The following PC variants were observed in gnomAD, a reference collection of about 807,000 sequenced individuals.
The protein encoded by PC is pyruvate carboxylase.
PC carries 46 observed loss-of-function variants against 107.8 expected under a neutral mutation model. The observed-to-expected ratio is 0.43, with a 90% CI of 0.34 to 0.55. The LOEUF (loss-of-function observed/expected upper bound fraction) is 0.55, where lower values mean the gene tolerates loss of function less well. PC is among the 20% of genes least tolerant of loss of function. PC has a pLI of 0.04. For synonymous variants in PC, 662 were observed against 684.7 expected (o/e 0.97, Z 0.52); for missense variants, 1,241 against 1,643.1 (o/e 0.76, Z 4.23).
intron 20 of PC, 22 bp from the exon 21 acceptor site, chr11:66,849,881 C>G (rs188719559): frequency 1.2e-6 from 2 of 1,613,536 alleles, no homozygotes; most frequent in African/African-American, 2.7e-5. Flanking sequence ...AGCAGAGGAT[C>G]AGTCCCAAGT....
chr11:66,956,907 C>G (rs1949572702), intron 1 of PC, among the ~76,000 whole-genome samples: 1 of 152,250 alleles, frequency 6.6e-6, no homozygotes. Flanking sequence ...TTTATTTTCT[C>G]TCTCCCCCAA....
rs1363449965 is a variant in PC, at chr11:66,944,358, C to A, written c.-1+8072G>T. The stretch of plus-strand genomic sequence containing the variant: ...CTTTGGGAGGCCAAGGCAGGCGGAT[C>A]ACTTGAGGTCAGGAGTTCGAGACCA... On this transcript the variant is annotated intron_variant, in intron 3 of 22. Coordinates refer to ENST00000393960, the MANE Select transcript of PC (RefSeq NM_001040716.2). Among the ~76,000 whole-genome samples, 2 of 115,172 alleles carry A rather than the reference C, an allele frequency of 1.7e-5. 1 individual carries two copies. Among genetic ancestry groups the A allele is most frequent in the Non-Finnish European group, 3.8e-5 (2 of 52,088 alleles). The allele number at this position is 115,172 out of a possible 152,430, so 75.6% of individuals were successfully genotyped here.
At chr11:66,912,688 T>C (rs985561281) in intron 3 of PC, among the ~76,000 whole-genome samples, 1 of 152,152 alleles carries the variant, frequency 6.6e-6, no homozygotes, top group African/African-American at 2.4e-5. Context: ...ATTCACAGGA[T>C]CCTTTTCCTG....
At chr11:66,895,248 C>G (rs1197383179) in intron 3 of PC, among the ~76,000 whole-genome samples, 3 of 152,126 alleles carry the variant, frequency 2.0e-5, no homozygotes, top group Non-Finnish European at 4.4e-5. Flanking sequence ...CCTTCCCCAA[C>G]TGAGCTCCCA....
rs150234297 is a variant in PC at position 66,929,568 on chromosome 11, T to A, written c.-1+22862A>T. ...TTTTAGTAGAGACAAGGTTTCACCA[T>A]GTTGACCAGGGTGGTCTCGAACTCC... On this transcript the variant is annotated intron_variant, in intron 3 of 22. Transcript: ENST00000393960. Among the ~76,000 whole-genome samples the A allele has an allele frequency of 1.5e-3, 234 of 152,290 alleles. 1 individual carries two copies. The highest frequency in any genetic ancestry group is 5.4e-3 in the African/African-American group (226 of 41,554).
rs1399791050 is a variant in PC at position 66,857,211 on chromosome 11, C to A, written c.1369-3828G>T. 1.3e-5 allele frequency: 2 copies of A among 149,518 alleles called. No individual in the cohort carries two copies. The highest frequency in any genetic ancestry group is 3.0e-5 in the Non-Finnish European group (2 of 67,094). The allele number at this position is 149,518 out of a possible 1,614,324, so 9.3% of individuals were successfully genotyped here. A position where few individuals can be genotyped will look rare whatever the true frequency, so the allele number is the denominator to read the frequency against. On this transcript the variant is annotated intron_variant, in intron 12 of 22. Coordinates refer to ENST00000393960, the MANE Select transcript of PC (RefSeq NM_001040716.2). The surrounding 1 kb of genome is among the most constrained non-coding windows in gnomAD (Gnocchi z 7.1). ...GCGGCCGGTCATCCCCGGGCCTCGT[C>A]CCCGCGGGAGAGCGGCCAGGAGTCG...
At position 66,849,632 on chromosome 11, in the gene PC, G is replaced by A; in HGVS notation, c.3126C>T (p.Pro1042=). 1 of 1,614,194 alleles carries A rather than the reference G, an allele frequency of 6.2e-7. No homozygotes were observed. Among genetic ancestry groups the A allele is most frequent in the Non-Finnish European group, 8.5e-7 (1 of 1,180,032 alleles). ...SLNTRLFLQG[P]KIAEEFEVEL... ...TGACCTCAAACTCCTCTGCGATCTT[G>A]GGTCCCTGCAGGAAGAGGCGAGTAT... is the stretch of plus-strand genomic sequence containing the variant. The change falls in exon 21 of 23, where the codon CCC becomes CCT. Residue 1042 remains proline (P), a synonymous_variant. Transcript: ENST00000393960.
chr11:66,913,000 G>C (rs1231176927), intron 3 of PC, among the ~76,000 whole-genome samples: 2 of 152,122 alleles, frequency 1.3e-5, no homozygotes, highest in Non-Finnish European at 2.9e-5. Context: ...CAACCCACAC[G>C]AGACCCCAAG....
intron 3 of PC, among the ~76,000 whole-genome samples, chr11:66,873,353 T>C (rs1369553290): frequency 1.7e-5 from 2 of 114,310 alleles, no homozygotes; most frequent in Admixed American, 2.8e-4. Context: ...AATATATATA[T>C]ATTATATATA....
intron 3 of PC, among the ~76,000 whole-genome samples, chr11:66,911,449 A>C (rs1048774812): frequency 6.6e-5 from 10 of 151,352 alleles, no homozygotes; most frequent in Non-Finnish European, 1.5e-4. Flanking sequence ...ACCATAACCC[A>C]GGTGCAATGG....
At chr11:66,941,375 T>A (rs190079884) in intron 3 of PC, among the ~76,000 whole-genome samples, 6 of 152,192 alleles carry the variant, frequency 3.9e-5, no homozygotes, top group African/African-American at 1.4e-4. Flanking sequence ...CTCAAAGAGA[T>A]ATTTGTACAC....
At chr11:66,851,737 G>A (rs1442129794) in intron 16 of PC, 53 bp downstream of exon 16, 8 of 1,590,010 alleles carry the variant, frequency 5.0e-6, no homozygotes, top group Admixed American at 1.7e-5. Context: ...GACATGGCTC[G>A]GTACCCTCTG....
At chr11:66,860,476 G>A (rs1033347575) in intron 12 of PC, 2 of 703,188 alleles carry the variant, frequency 2.8e-6, no homozygotes, top group Non-Finnish European at 5.2e-6. Context: ...GGACACCTCA[G>A]TGCTAGTCTC....
chr11:66,855,955 G>C (rs1241453996), intron 12 of PC, among the ~76,000 whole-genome samples: 1 of 152,266 alleles, frequency 6.6e-6, no homozygotes, highest in Non-Finnish European at 1.5e-5. Flanking sequence ...ATGGGGATCA[G>C]GGCTGGAGGG....
intron 3 of PC, among the ~76,000 whole-genome samples, chr11:66,908,764 G>GT (rs1007293574): frequency 5.3e-5 from 8 of 152,314 alleles, no homozygotes; most frequent in Middle Eastern, 3.4e-3. Context: ...CTACGGGAAC[G>GT]TAAGTGCGCC....
rs1241992839 is a variant in PC, at chr11:66,857,063, CG to C, written c.1369-3681del. On this transcript the variant is annotated intron_variant, in intron 12 of 22. Transcript: ENST00000393960. The surrounding 1 kb of genome is among the most constrained non-coding windows in gnomAD (Gnocchi z 7.1). ...CGTGCGTGTCCGCGGCGCGCGCGCC[CG>C]CCGGCGCGCACCCGCTCGCCTGTCG... The C allele has an allele frequency of 6.8e-6, 1 of 146,832 alleles. No individual in the cohort carries two copies. The highest frequency in any genetic ancestry group is 2.0e-4 in the East Asian group (1 of 5,066). 9.1% of individuals were successfully genotyped at this position (146,832 alleles called of 1,614,324 possible).
At position 66,849,020 on chromosome 11, in the gene PC, A is replaced by G. The variant is rs772410868; in HGVS notation, c.3416T>C (p.Val1139Ala). The G allele has an allele frequency of 3.7e-6, 6 of 1,614,078 alleles. No homozygotes were observed. The East Asian group carries it at 1.3e-4, about 36-fold the overall frequency. Reference protein sequence around the residue: ...AKVAKGQPLCVLSAMKMETVV... With the variant: ...AKVAKGQPLCALSAMKMETVV... ...AGTCTCCATCTTCATGGCACTGAGC[A>G]CACACAGGGGCTGGCCCTTGGCCAC... Residue 1139 changes from valine (V) to alanine (A), a missense_variant, in exon 23 of 23, where the codon GTG becomes GCG. Physicochemically the swap from Val to Ala is moderately conservative, Grantham distance 64 (BLOSUM62 0). Around this residue, in one of 2 missense-constraint regions of PC, gnomAD observed 98 missense variants for 91.2 expected, o/e 1.07. Transcript: ENST00000393960.
intron 3 of PC, among the ~76,000 whole-genome samples, chr11:66,882,542 G>A (rs913413332): frequency 1.3e-5 from 2 of 152,328 alleles, no homozygotes; most frequent in Admixed American, 1.3e-4. Flanking sequence ...GAAGAAAGAA[G>A]TGTGGTTCAG....
Position 66,871,248 on chromosome 11 carries a change from C to T in PC, c.488-51G>A. The T allele has an allele frequency of 6.2e-7, 1 of 1,613,594 alleles. No individual in the cohort carries two copies. The highest frequency in any genetic ancestry group is 8.5e-7 in the Non-Finnish European group (1 of 1,179,664). On this transcript the variant is annotated intron_variant, in intron 6 of 22. Transcript: ENST00000393960. This position sits in a 1 kb window ranked among gnomAD's most constrained non-coding sequence, Gnocchi z 7.4. ...TCTCTGTAACAGGCGGGAATCCCTGCCACCCCTCCCTGCTGGACCCTCTCC... is the reference window on the plus strand; with the variant it reads ...TCTCTGTAACAGGCGGGAATCCCTGTCACCCCTCCCTGCTGGACCCTCTCC...
Sources: gnomAD v4.1 joint callset for allele counts (sites outside exome capture counted in the v4.1 genomes callset) on GRCh38, gnomAD v4.1.1 for gene constraint, gnomAD v4.1.1 regional missense constraint, Gnocchi (gnomAD v3.1) non-coding constraint, MANE v1.5 for transcripts, NCBI Gene and HGNC (gene_info 2026-07-23, HGNC 2026-07-21) for gene names.